Variants in ARHGEF26 observed in about 807,000 individuals in gnomAD.
ARHGEF26 encodes the protein Rho guanine nucleotide exchange factor 26.
ARHGEF26 carries 59 observed loss-of-function variants against 89.4 expected under a neutral mutation model. That is an observed-to-expected ratio of 0.66 (90% CI 0.54 to 0.82). The LOEUF (loss-of-function observed/expected upper bound fraction) is 0.82. Ranked by LOEUF, ARHGEF26 falls within the 40% of genes least tolerant of loss-of-function variation. The pLI is 0.00. For missense variants in ARHGEF26, 1,234 were observed against 1,085.6 expected (o/e 1.14, Z -1.92); for synonymous variants, 500 against 428.4 (o/e 1.17, Z -2.06).
intron 12 of ARHGEF26, among the ~76,000 whole-genome samples, chr3:154,244,355 G>C (rs972262628): frequency 1.3e-5 from 2 of 152,146 alleles, no homozygotes; most frequent in Non-Finnish European, 2.9e-5. Context: ...CTTTGATTAC[G>C]TAAAGAATGC....
At chr3:154,226,076 G>T (rs1716467090) in intron 11 of ARHGEF26, 66 bp downstream of exon 11, 1 of 1,360,974 alleles carries the variant, frequency 7.3e-7, no homozygotes, top group Admixed American at 2.6e-5. Flanking sequence ...TCAGATGCCT[G>T]TTAGGGTGAT....
chr3:154,217,699 C>T (rs1715854666), intron 9 of ARHGEF26, among the ~76,000 whole-genome samples, 170 bp from the exon 10 acceptor site: 1 of 152,188 alleles, frequency 6.6e-6, no homozygotes, highest in African/African-American at 2.4e-5. Context: ...CCTAATCACA[C>T]CACTTCTAAC....
intron 5 of ARHGEF26, among the ~76,000 whole-genome samples, chr3:154,151,879 A>G (rs1043446498): frequency 1.3e-4 from 20 of 152,198 alleles, no homozygotes; most frequent in Non-Finnish European, 2.6e-4. Context: ...GGTGATGAAG[A>G]CAGAATTACC....
chr3:154,165,157 C>T (rs1207476198), intron 6 of ARHGEF26, among the ~76,000 whole-genome samples: 1 of 152,014 alleles, frequency 6.6e-6, no homozygotes, highest in Non-Finnish European at 1.5e-5. Context: ...TATGCTTATG[C>T]CATTCCTAGG....
At chr3:154,150,220 A>T (rs1484567869) in intron 5 of ARHGEF26, among the ~76,000 whole-genome samples, 1 of 151,542 alleles carries the variant, frequency 6.6e-6, no homozygotes, top group African/African-American at 2.4e-5. Context: ...TAAAAAAAAT[A>T]ATAGTATAGA....
rs560580452 is a variant in ARHGEF26 at position 154,207,655 on chromosome 3, A to C, written c.1846-10214A>C. Among the ~76,000 whole-genome samples, 4 of 152,348 alleles carry C rather than the reference A, an allele frequency of 2.6e-5. No homozygotes were observed. In the East Asian group the frequency reaches 7.7e-4, roughly 29 times the overall value. ...GCTTTTACACTATTGGTGGGAGTGT[A>C]TATTAGTTCAACCATTATTGAAGAC... On this transcript the variant is annotated intron_variant, in intron 9 of 14. Coordinates refer to ENST00000465093, the MANE Select transcript of ARHGEF26 (RefSeq NM_015595.4).
chr3:154,177,772 T>A (rs1015313394), intron 6 of ARHGEF26, among the ~76,000 whole-genome samples: 1 of 152,152 alleles, frequency 6.6e-6, no homozygotes, highest in East Asian at 1.9e-4. Context: ...TTCATAAGAT[T>A]CACTTGAAAA....
rs141099618 is a variant in ARHGEF26 at position 154,207,208 on chromosome 3, G to C, written c.1846-10661G>C. Among the ~76,000 whole-genome samples the C allele has an allele frequency of 6.0e-3, 916 of 152,294 alleles. 7 individuals carry two copies. Among genetic ancestry groups the C allele is most frequent in the African/African-American group, 0.021 (861 of 41,566 alleles). On this transcript the variant is annotated intron_variant, in intron 9 of 14. Transcript: ENST00000465093. ...ACATAGGCATGGGCAAAGATTTCAT[G>C]ATGAAGATGCCAAAAACAGTCGTGA...
intron 6 of ARHGEF26, among the ~76,000 whole-genome samples, chr3:154,169,249 T>C (rs2108135005): frequency 6.6e-6 from 1 of 152,230 alleles, no homozygotes; most frequent in South Asian, 2.1e-4. Flanking sequence ...GTGACAAGTA[T>C]AGTCGATACT....
chr3:154,233,571 C>T (rs886594889), intron 11 of ARHGEF26, among the ~76,000 whole-genome samples: 2 of 152,176 alleles, frequency 1.3e-5, no homozygotes, highest in African/African-American at 4.8e-5. Flanking sequence ...ATGTCAGAGC[C>T]ATTAAATTCC....
At chr3:154,251,249 T>C (rs1718128429) in intron 12 of ARHGEF26, among the ~76,000 whole-genome samples, 1 of 152,084 alleles carries the variant, frequency 6.6e-6, no homozygotes, top group African/African-American at 2.4e-5. Context: ...AGAAATAATT[T>C]TGGTAATATT....
intron 8 of ARHGEF26, 27 bp downstream of exon 8, chr3:154,191,445 CTG>C (rs1157955109): frequency 9.4e-6 from 15 of 1,595,520 alleles, no homozygotes; most frequent in African/African-American, 1.4e-5. Context: ...GCTTTTTCCT[CTG>C]TGGATAGCTG....
intron 9 of ARHGEF26, among the ~76,000 whole-genome samples, chr3:154,201,666 T>C (rs1482930368): frequency 6.6e-6 from 1 of 150,722 alleles, no homozygotes; most frequent in Admixed American, 6.6e-5. Flanking sequence ...CCAGCACCTG[T>C]TGTTTCCTGA....
chr3:154,242,892 A>C (rs542597089), intron 12 of ARHGEF26, among the ~76,000 whole-genome samples: 42 of 152,122 alleles, frequency 2.8e-4, no homozygotes, highest in Non-Finnish European at 5.7e-4. Context: ...GAGATCCCAG[A>C]GTTCTTCCCC....
chr3:154,138,119 C>A (rs1349559503), intron 4 of ARHGEF26, among the ~76,000 whole-genome samples: 1 of 152,142 alleles, frequency 6.6e-6, no homozygotes, highest in Non-Finnish European at 1.5e-5. Flanking sequence ...TGCATTAATA[C>A]ATAGGATGGA....
At chr3:154,212,382 T>C (rs1353091808) in intron 9 of ARHGEF26, among the ~76,000 whole-genome samples, 2 of 151,628 alleles carry the variant, frequency 1.3e-5, no homozygotes, top group East Asian at 3.9e-4. Context: ...ATAATAAGTG[T>C]ACATTGCAGA....
intron 9 of ARHGEF26, among the ~76,000 whole-genome samples, chr3:154,208,821 A>C (rs2108227448): frequency 6.9e-6 from 1 of 145,330 alleles, no homozygotes; most frequent in South Asian, 2.2e-4. Context: ...GCTGGAGTAC[A>C]GTGGTGCAAT....
chr3:154,220,503 G>A (rs1452781615), intron 10 of ARHGEF26, among the ~76,000 whole-genome samples: 1 of 152,182 alleles, frequency 6.6e-6, no homozygotes, highest in Non-Finnish European at 1.5e-5. Flanking sequence ...GGTGAGTTAA[G>A]AAGGGCCTTA....
In ARHGEF26 at chr3:154,256,033, G is replaced by A; in HGVS notation, c.*560G>A. On this transcript the variant is annotated 3_prime_UTR_variant, in exon 15 of 15. Coordinates refer to ENST00000465093, the MANE Select transcript of ARHGEF26 (RefSeq NM_015595.4). ...TTTTTCTAAACCTCTTCCCAGGAAG[G>A]GGACATTGACACTTGAATTTTTGTC... The A allele has an allele frequency of 1.0e-6, 1 of 985,584 alleles. No individual in the cohort carries two copies. Among genetic ancestry groups the A allele is most frequent in the Admixed American group, 6.2e-5 (1 of 16,252 alleles). 61.1% of individuals were successfully genotyped at this position (985,584 alleles called of 1,614,324 possible). A position where few individuals can be genotyped will look rare whatever the true frequency, so the allele number is the denominator to read the frequency against.
Sources: gnomAD v4.1 joint callset for allele counts (sites outside exome capture counted in the v4.1 genomes callset) on GRCh38, gnomAD v4.1.1 for gene constraint, MANE v1.5 for transcripts, NCBI Gene and HGNC (gene_info 2026-07-23, HGNC 2026-07-21) for gene names.